The following BABAM2 variants were observed in gnomAD, a reference collection of about 807,000 sequenced individuals.
The protein encoded by BABAM2 is BRISC and BRCA1 A complex member 2.
Under a neutral mutation model 54.7 loss-of-function variants are expected in BABAM2, and 31 were observed. The observed-to-expected ratio is 0.57, with a 90% CI of 0.43 to 0.77. The LOEUF (loss-of-function observed/expected upper bound fraction) is 0.77, where lower values mean the gene tolerates loss of function less well. Ranked by LOEUF, BABAM2 falls within the 30% of genes least tolerant of loss-of-function variation. The probability of loss-of-function intolerance (pLI) is 0.00; values close to 1 mark genes in which losing one functional copy is unlikely to be tolerated. For synonymous variants in BABAM2, 167 were observed against 162.9 expected, an observed-to-expected ratio of 1.03 and a Z score of -0.19; for missense variants, 364 against 455.8, an observed-to-expected ratio of 0.80 and a Z score of 1.83.
At chr2:27,944,003 ATAT>A (rs1216009851) in intron 3 of BABAM2, among the ~76,000 whole-genome samples, 3 of 152,240 alleles carry the variant, frequency 2.0e-5, no homozygotes, top group Non-Finnish European at 2.9e-5. Context: ...ATAGCAACTA[ATAT>A]TATTAATTTA....
At chr2:27,946,041 G>A (rs1004495003) in intron 3 of BABAM2, among the ~76,000 whole-genome samples, 2 of 151,958 alleles carry the variant, frequency 1.3e-5, no homozygotes, top group African/African-American at 4.8e-5. Context: ...ACTATCTAGT[G>A]CAGTAGACAA....
At chr2:28,048,090 G>A (rs1287845766) in intron 6 of BABAM2, among the ~76,000 whole-genome samples, 1 of 152,120 alleles carries the variant, frequency 6.6e-6, no homozygotes, top group Non-Finnish European at 1.5e-5. Flanking sequence ...CCTAGGGTTA[G>A]GATACTCTTC....
At chr2:28,171,746 T>C (rs1184049880) in intron 7 of BABAM2, among the ~76,000 whole-genome samples, 2 of 152,188 alleles carry the variant, frequency 1.3e-5, no homozygotes, top group African/African-American at 2.4e-5. Flanking sequence ...ATTAATAAAT[T>C]ATGTCATGGA....
At chr2:28,109,725 G>A (rs1667839741) in intron 6 of BABAM2, among the ~76,000 whole-genome samples, 1 of 152,148 alleles carries the variant, frequency 6.6e-6, no homozygotes, top group African/African-American at 2.4e-5. Context: ...CTCATCCGGG[G>A]TATATGGACG....
rs138025094 is a variant in BABAM2, at chr2:28,300,913, G to T, written c.1088+2422G>T. ...TAATAAAAGAGAAAGCCAGCAGCTC[G>T]TGCTAGCAAGAAGAAATAGTTTAAG... On this transcript the variant is annotated intron_variant, in intron 11 of 11. Transcript: ENST00000379624. Among the ~76,000 whole-genome samples the T allele has an allele frequency of 6.0e-4, 92 of 152,228 alleles. 1 individual carries two copies. Among genetic ancestry groups the T allele is most frequent in the African/African-American group, 2.0e-3 (85 of 41,516 alleles).
intron 6 of BABAM2, among the ~76,000 whole-genome samples, chr2:28,095,239 T>C (rs1050671558): frequency 1.3e-5 from 2 of 152,186 alleles, no homozygotes; most frequent in African/African-American, 2.4e-5. Flanking sequence ...AGCCAGGACA[T>C]ATATCCAGGA....
intron 3 of BABAM2, among the ~76,000 whole-genome samples, chr2:27,935,730 T>G (rs1007355092): frequency 1.3e-5 from 2 of 152,180 alleles, no homozygotes; most frequent in East Asian, 3.9e-4. Context: ...GCAGACTTCA[T>G]TGTTGTCTTA....
intron 6 of BABAM2, among the ~76,000 whole-genome samples, chr2:28,127,742 G>A (rs1463868182): frequency 2.0e-5 from 3 of 151,930 alleles, no homozygotes; most frequent in Non-Finnish European, 2.9e-5. Context: ...AGAAGGGGTG[G>A]CATGACAGAC....
At position 27,982,844 on chromosome 2, in the gene BABAM2, TACACAC is replaced by T. The variant is rs146744707; in HGVS notation, c.206-5115_206-5110del. Among the ~76,000 whole-genome samples, 1,221 of 127,220 alleles carry T rather than the reference TACACAC, an allele frequency of 9.6e-3. 8 individuals are homozygous for T. The highest frequency in any genetic ancestry group is 0.028 in the African/African-American group (837 of 30,026). The allele number at this position is 127,220 out of a possible 152,430, so 83.5% of individuals were successfully genotyped here. ...AGGCTGAATAATATTTCATTATGTG[TACACAC>T]ACACACACACACACACACACACACA... On this transcript the variant is annotated intron_variant, in intron 3 of 11. Coordinates refer to ENST00000379624, the MANE Select transcript of BABAM2 (RefSeq NM_199191.3).
At chr2:28,060,067 A>G (rs1678737966) in intron 6 of BABAM2, among the ~76,000 whole-genome samples, 1 of 152,214 alleles carries the variant, frequency 6.6e-6, no homozygotes, top group Non-Finnish European at 1.5e-5. Context: ...CTCCAGATGC[A>G]TCTGTCTCAT....
chr2:28,098,643 C>G (rs180940283), intron 6 of BABAM2, among the ~76,000 whole-genome samples: 1 of 152,270 alleles, frequency 6.6e-6, no homozygotes, highest in Non-Finnish European at 1.5e-5. Context: ...CCATGAAAGT[C>G]GCAGCCAGCA....
At chr2:28,289,748 G>T (rs866131311) in intron 10 of BABAM2, among the ~76,000 whole-genome samples, 2 of 151,958 alleles carry the variant, frequency 1.3e-5, no homozygotes, top group South Asian at 2.1e-4. Flanking sequence ...CCGAGATCAC[G>T]CTACCACACT....
chr2:28,082,533 C>A (rs986048569), intron 6 of BABAM2, among the ~76,000 whole-genome samples: 8 of 152,132 alleles, frequency 5.3e-5, no homozygotes, highest in South Asian at 4.1e-4. Context: ...GAATCTAATA[C>A]CTGTCTCACA....
chr2:28,253,006 AATTAAT>A (rs1040242477), intron 10 of BABAM2, among the ~76,000 whole-genome samples: 10 of 152,348 alleles, frequency 6.6e-5, no homozygotes, highest in Admixed American at 2.0e-4. Context: ...CTTTTCTTAG[AATTAAT>A]ATTAAAGTAC....
chr2:28,107,226 C>T (rs915216195), intron 6 of BABAM2, among the ~76,000 whole-genome samples: 2 of 152,122 alleles, frequency 1.3e-5, no homozygotes, highest in African/African-American at 2.4e-5. Context: ...TTCTTCCTCT[C>T]CTCTGGACCA....
At chr2:27,927,642 G>C (rs942071379) in intron 2 of BABAM2, among the ~76,000 whole-genome samples, 2 of 152,070 alleles carry the variant, frequency 1.3e-5, no homozygotes, top group Admixed American at 6.5e-5. Flanking sequence ...AATGTACTCT[G>C]AGAAATTTTT....
chr2:27,972,169 AAATTGT>A (rs980617680), intron 3 of BABAM2, among the ~76,000 whole-genome samples: 1 of 152,168 alleles, frequency 6.6e-6, no homozygotes, highest in African/African-American at 2.4e-5. Context: ...AATTTCCTGA[AAATTGT>A]CTTATTATTA....
intron 7 of BABAM2, among the ~76,000 whole-genome samples, chr2:28,228,061 T>C (rs1681050341): frequency 6.6e-6 from 1 of 152,234 alleles, no homozygotes; most frequent in Non-Finnish European, 1.5e-5. Flanking sequence ...ATGAGTATGT[T>C]GACACTTGCT....
chr2:28,164,960 A>C (rs1454890474), intron 7 of BABAM2, among the ~76,000 whole-genome samples: 1 of 152,204 alleles, frequency 6.6e-6, no homozygotes, highest in African/African-American at 2.4e-5. Flanking sequence ...TGTACTAGGT[A>C]TCAAAAGAGA....
Sources: gnomAD v4.1 joint callset for allele counts (sites outside exome capture counted in the v4.1 genomes callset) on GRCh38, gnomAD v4.1.1 for gene constraint, MANE v1.5 for transcripts, NCBI Gene and HGNC (gene_info 2026-07-23, HGNC 2026-07-21) for gene names.